The following PXDN variants were observed in gnomAD, a reference collection of about 807,000 sequenced individuals.
PXDN encodes the protein peroxidasin homolog.
In PXDN, 77 loss-of-function variants were observed where a neutral mutation model predicts 140.3. That is an observed-to-expected ratio of 0.55 (90% CI 0.46 to 0.66). PXDN has a LOEUF of 0.66. PXDN is among the 30% of genes least tolerant of loss of function. The probability of loss-of-function intolerance (pLI) is 0.00; values close to 1 mark genes in which losing one functional copy is unlikely to be tolerated. For missense variants in PXDN, 1,838 were observed against 2,039.5 expected, an observed-to-expected ratio of 0.90 and a Z score of 1.90; for synonymous variants, 911 against 857.4, an observed-to-expected ratio of 1.06 and a Z score of -1.09.
chr2:1,700,070 A>ATT (rs1049917772), intron 1 of PXDN, among the ~76,000 whole-genome samples: 6 of 150,964 alleles, frequency 4.0e-5, no homozygotes, highest in African/African-American at 1.5e-4. Context: ...ATTTTTATTT[A>ATT]TTTTTTTTTG....
In PXDN at chr2:1,707,936, G is replaced by A. The variant is rs532263555; in HGVS notation, c.201-14802C>T. Among the ~76,000 whole-genome samples, 3 of 152,076 alleles carry A rather than the reference G, an allele frequency of 2.0e-5. No homozygotes were observed. The South Asian group carries it at 6.2e-4, about 32-fold the overall frequency. ...GCTAAAGAGGAACTCTTAAGGCACT[G>A]GAAAGTTACACAAAGCGAGAGAACG... On this transcript the variant is annotated intron_variant, in intron 1 of 22. Coordinates refer to ENST00000252804, the MANE Select transcript of PXDN (RefSeq NM_012293.3).
rs199833420 is a variant in PXDN at position 1,639,355 on chromosome 2, G to A, written c.4020C>T (p.Phe1340=). 6.2e-7 allele frequency: 1 copy of A among 1,614,032 alleles called. No individual in the cohort carries two copies. Among genetic ancestry groups the A allele is most frequent in the African/African-American group, 1.3e-5 (1 of 75,048 alleles). The change falls in exon 20 of 23, where the codon TTC becomes TTT. Residue 1340 remains phenylalanine (F), a synonymous_variant. Coordinates refer to ENST00000252804, the MANE Select transcript of PXDN (RefSeq NM_012293.3). The surrounding 1 kb of genome is among the most constrained non-coding windows in gnomAD (Gnocchi z 5.0). ...TGGTCGGCTTGTCCTCCTGGTAGCTGAACTCAAGAGACCGTCTGCCTCGGA... is the reference window on the plus strand; with the variant it reads ...TGGTCGGCTTGTCCTCCTGGTAGCTAAACTCAAGAGACCGTCTGCCTCGGA... ...YHFRGRRSLE[F]SYQEDKPTKK... is the part of the protein sequence containing the mutation.
At chr2:1,710,792 C>T (rs1408167625) in intron 1 of PXDN, among the ~76,000 whole-genome samples, 8 of 73,888 alleles carry the variant, frequency 1.1e-4, no homozygotes, top group African/African-American at 5.2e-4. Context: ...CACCAGCACC[C>T]ACTCCACCAG....
At chr2:1,688,482 C>T (rs13393011) in intron 3 of PXDN, among the ~76,000 whole-genome samples, 46,594 of 152,082 alleles carry the variant, frequency 0.31, 7,167 homozygotes, top group African/African-American at 0.34. Flanking sequence ...AATTTCCACA[C>T]CAAAGTATCA....
Position 1,651,876 on chromosome 2 carries a change from C to T in PXDN, c.2104+1752G>A, listed in dbSNP as rs1683022225. 6.6e-6 allele frequency among the ~76,000 whole-genome samples: 1 copy of T among 152,206 alleles called. No homozygotes were observed. Among genetic ancestry groups the T allele is most frequent in the Non-Finnish European group, 1.5e-5 (1 of 68,036 alleles). ...CTCTGGAAGGTCTGATCTTTGAGGG[C>T]AGAGGTTTTTATTTCTTCCGTTTGT... is the stretch of plus-strand genomic sequence containing the variant. On this transcript the variant is annotated intron_variant, in intron 16 of 22. Transcript: ENST00000252804. The surrounding 1 kb of genome is among the most constrained non-coding windows in gnomAD (Gnocchi z 4.4).
intron 14 of PXDN, among the ~76,000 whole-genome samples, chr2:1,655,565 G>GT (rs1410378061): frequency 4.7e-5 from 7 of 149,292 alleles, no homozygotes; most frequent in African/African-American, 1.7e-4. Flanking sequence ...ACAGCAACCT[G>GT]CCCCTCCTGA....
intron 12 of PXDN, 103 bp downstream of exon 12, chr2:1,663,502 C>A (rs559552084): frequency 2.0e-6 from 3 of 1,476,648 alleles, no homozygotes; most frequent in Admixed American, 3.6e-5. Context: ...GAACAGCCAA[C>A]GCTTTATAAC....
chr2:1,684,027 G>T, intron 5 of PXDN, 53 bp downstream of exon 5: 1 of 1,485,358 alleles, frequency 6.7e-7, no homozygotes, highest in East Asian at 2.4e-5. Context: ...CCAAGCCAGT[G>T]ACTGAGGCTT....
At chr2:1,636,902 C>A (rs189349346) in intron 21 of PXDN, 2 of 152,340 alleles carry the variant, frequency 1.3e-5, no homozygotes, top group East Asian at 3.9e-4. Flanking sequence ...TACACGAACA[C>A]CTCTGCACAC....
At chr2:1,638,582 A>G (rs1321789755) in intron 21 of PXDN, among the ~76,000 whole-genome samples, 3 of 152,088 alleles carry the variant, frequency 2.0e-5, no homozygotes, top group South Asian at 2.1e-4. Context: ...CAGCAAGGTC[A>G]CCTGGCTGGC....
intron 1 of PXDN, among the ~76,000 whole-genome samples, chr2:1,715,703 G>A (rs1012876499): frequency 1.3e-5 from 2 of 152,156 alleles, no homozygotes; most frequent in Non-Finnish European, 2.9e-5. Context: ...GGGAAATGCA[G>A]AGTGGACCAC....
At position 1,649,377 on chromosome 2, in the gene PXDN, G is replaced by A; in HGVS notation, c.2403C>T (p.Thr801=). 6.2e-7 allele frequency: 1 copy of A among 1,614,000 alleles called. No individual in the cohort carries two copies. Among genetic ancestry groups the A allele is most frequent in the Non-Finnish European group, 8.5e-7 (1 of 1,179,896 alleles). The change falls in exon 17 of 23, where the codon ACC becomes ACT. Residue 801 remains threonine (T), a synonymous_variant. Coordinates refer to ENST00000252804, the MANE Select transcript of PXDN (RefSeq NM_012293.3). The surrounding 1 kb of genome is among the most constrained non-coding windows in gnomAD (Gnocchi z 7.1). ...ALPMPRLVST[T]LIGTETVTPD... is the part of the protein sequence containing the mutation. ...GTGTGACGGTCTCCGTCCCGATCAG[G>A]GTGGTGGACACCAGGCGCGGCATGG...
In PXDN at chr2:1,693,149, G is replaced by T. The variant is rs1173492679; in HGVS notation, c.201-15C>A. The stretch of plus-strand genomic sequence containing the variant: ...AGCGAAGATCTCTGTGAAGAAACAA[G>T]AAAGGTATTATTACGTGAAAAAAAA... On this transcript the variant is annotated splice_polypyrimidine_tract_variant and intron_variant, in intron 1 of 22. Coordinates refer to ENST00000252804, the MANE Select transcript of PXDN (RefSeq NM_012293.3). 6.5e-7 allele frequency: 1 copy of T among 1,535,686 alleles called. No individual in the cohort carries two copies. The highest frequency in any genetic ancestry group is 2.0e-5 in the Admixed American group (1 of 49,406).
chr2:1,705,589 G>A (rs542327981), intron 1 of PXDN, among the ~76,000 whole-genome samples: 5 of 139,634 alleles, frequency 3.6e-5, no homozygotes, highest in South Asian at 2.3e-4. Flanking sequence ...GACCTGGAAC[G>A]CAGGGTGCAG....
At chr2:1,672,530 T>C (rs903032993) in intron 9 of PXDN, among the ~76,000 whole-genome samples, 1 of 152,218 alleles carries the variant, frequency 6.6e-6, no homozygotes, top group African/African-American at 2.4e-5. Flanking sequence ...GCCCACAGCA[T>C]TCTGAATTTG....
At chr2:1,688,748 C>A (rs1454596688) in intron 3 of PXDN, among the ~76,000 whole-genome samples, 1 of 152,158 alleles carries the variant, frequency 6.6e-6, no homozygotes, top group Non-Finnish European at 1.5e-5. Context: ...CAAATTCAGG[C>A]AGACACGTCT....
In PXDN at chr2:1,654,487, C is replaced by A. The variant is rs371795531; in HGVS notation, c.1859G>T (p.Gly620Val). 24 of 1,613,196 alleles carry A rather than the reference C, an allele frequency of 1.5e-5. No homozygotes were observed. The highest frequency in any genetic ancestry group is 4.0e-5 in the African/African-American group (3 of 74,914). ...SVNVPDVSRN[G>V]DPFVATSIVE... is the part of the protein sequence containing the mutation. ...GATGGAGGTAGCTACAAACGGATCT[C>A]CATTTCGACTGACGTCAGGAACTAG... is the stretch of plus-strand genomic sequence containing the variant. Residue 620 changes from glycine (G) to valine (V), a missense_variant, in exon 15 of 23, where the codon GGA (glycine) becomes GTA (valine). Gly to Val is a moderately radical substitution (Grantham distance 109, BLOSUM62 -3). Transcript: ENST00000252804.
intron 1 of PXDN, among the ~76,000 whole-genome samples, chr2:1,724,311 C>CTTTTT (rs1685124586): frequency 1.0e-5 from 1 of 97,632 alleles, no homozygotes; most frequent in Non-Finnish European, 2.1e-5. Context: ...TCTGAATTTC[C>CTTTTT]GTTTTTTTTT....
In PXDN at chr2:1,660,574, T is replaced by C. The variant is rs925822522; in HGVS notation, c.1837+307A>G. Among the ~76,000 whole-genome samples, 9 of 152,228 alleles carry C rather than the reference T, an allele frequency of 5.9e-5. No individual in the cohort carries two copies. The highest frequency in any genetic ancestry group is 1.9e-4 in the African/African-American group (8 of 41,468). ...CTGGTCATTTCTGGACAGATGTGGATGACCCCGGAGCAAAGCTCTGCCCAG... is the reference window on the plus strand; with the variant it reads ...CTGGTCATTTCTGGACAGATGTGGACGACCCCGGAGCAAAGCTCTGCCCAG... On this transcript the variant is annotated intron_variant, in intron 14 of 22. Transcript: ENST00000252804. The surrounding 1 kb of genome is among the most constrained non-coding windows in gnomAD (Gnocchi z 4.6).
Sources: allele counts gnomAD v4.1 joint callset (sites outside exome capture counted in the v4.1 genomes callset), GRCh38; gene constraint gnomAD v4.1.1; non-coding constraint Gnocchi (gnomAD v3.1); transcripts MANE v1.5; gene names NCBI Gene and HGNC (gene_info 2026-07-23, HGNC 2026-07-21).